Variants in NCOR2 observed in about 807,000 individuals in gnomAD.
NCOR2 encodes nuclear receptor corepressor 2, also known as CTG repeat protein 26.
NCOR2 carries 81 observed loss-of-function variants against 262.9 expected under a neutral mutation model. The ratio of observed to expected loss-of-function variants is 0.31; its 90% CI spans 0.26 to 0.37. The LOEUF is 0.37. NCOR2 is among the 10% of genes least tolerant of loss of function. NCOR2 has a pLI of 1.00. For missense variants in NCOR2, 3,385 were observed against 3,621.4 expected (o/e 0.93, Z 1.68); for synonymous variants, 1,659 against 1,559.3 (o/e 1.06, Z -1.51).
intron 3 of NCOR2, among the ~76,000 whole-genome samples, 161 bp from the exon 6 acceptor site, chr12:124,473,292 G>C (rs1029542240): frequency 1.3e-5 from 2 of 152,210 alleles, no homozygotes; most frequent in Non-Finnish European, 2.9e-5. Flanking sequence ...ATTAACATTT[G>C]AGTCAGTGGG....
chr12:124,354,606 G>C, intron 25 of NCOR2, 24 bp from the exon 28 acceptor site: 1 of 1,504,182 alleles, frequency 6.6e-7, no homozygotes, highest in Non-Finnish European at 8.9e-7. Context: ...AGAGGAGCGA[G>C]TCACGTGCTG....
chr12:124,350,899 C>A (rs1035732539), intron 27 of NCOR2, among the ~76,000 whole-genome samples, 162 bp from the exon 30 acceptor site: 8 of 152,218 alleles, frequency 5.3e-5, no homozygotes, highest in Non-Finnish European at 1.2e-4. Context: ...TGGAACAAAA[C>A]CCTATGAGGA....
At chr12:124,349,016 T>A (rs1388639441) in intron 28 of NCOR2, 1 of 152,496 alleles carries the variant, frequency 6.6e-6, no homozygotes, top group Non-Finnish European at 1.5e-5. Context: ...AGTACACGGC[T>A]TTGTATGTAT....
rs920595728 is a variant in NCOR2, at chr12:124,549,237, C to T, written c.-164-13626G>A. Among the ~76,000 whole-genome samples, 5 of 151,950 alleles carry T rather than the reference C, an allele frequency of 3.3e-5. No homozygotes were observed. The highest frequency in any genetic ancestry group is 1.3e-4 in the Admixed American group (2 of 15,252). ...TCAGATGAATTCACGTGGCATGTGC[C>T]GCACTGAGACAGGCAGGCACGCAGC... On this transcript the variant is annotated intron_variant, in intron 1 of 32. Coordinates refer to the NCOR2 transcript ENST00000458234. The surrounding 1 kb of genome is among the most constrained non-coding windows in gnomAD (Gnocchi z 4.4).
intron 1 of NCOR2, among the ~76,000 whole-genome samples, chr12:124,488,066 T>C (rs1199202581): frequency 1.3e-5 from 2 of 152,232 alleles, no homozygotes; most frequent in Non-Finnish European, 2.9e-5. Flanking sequence ...TCGTCTCTTC[T>C]TGGCACCTTT....
intron 8 of NCOR2, among the ~76,000 whole-genome samples, chr12:124,434,043 G>C (rs1191652781): frequency 6.6e-6 from 1 of 152,140 alleles, no homozygotes; most frequent in East Asian, 1.9e-4. Flanking sequence ...GGCTGAGCCA[G>C]TCTCTCAGCC....
upstream of NCOR2, among the ~76,000 whole-genome samples, chr12:124,500,228 C>T (rs2048624501): frequency 1.3e-5 from 2 of 152,148 alleles, no homozygotes; most frequent in Non-Finnish European, 1.5e-5. Flanking sequence ...CCAACCACAG[C>T]CCCAGGGCCC....
rs1223762703 is a variant in NCOR2 at position 124,378,480 on chromosome 12, G to A, written c.2020-96C>T. 3 of 1,287,250 alleles carry A rather than the reference G, an allele frequency of 2.3e-6. No individual in the cohort carries two copies. The highest frequency in any genetic ancestry group is 3.2e-6 in the Non-Finnish European group (3 of 951,098). The allele number at this position is 1,287,250 out of a possible 1,614,324, so 79.7% of individuals were successfully genotyped here. A position where few individuals can be genotyped will look rare whatever the true frequency, so the allele number is the denominator to read the frequency against. ...GGCCTCGCCGCAGGTGCAAAGGGCA[G>A]TGATCCCGGCCATGTAGCAATGAGG... On this transcript the variant is annotated intron_variant, in intron 17 of 46. Coordinates refer to ENST00000405201, the Ensembl canonical transcript of NCOR2. The surrounding 1 kb of genome is among the most constrained non-coding windows in gnomAD (Gnocchi z 4.2).
At chr12:124,491,264 G>A (rs867468194) in intron 1 of NCOR2, among the ~76,000 whole-genome samples, 2 of 152,354 alleles carry the variant, frequency 1.3e-5, no homozygotes, top group East Asian at 1.9e-4. Context: ...TAATAGCATC[G>A]TCATCATTAC....
intron 15 of NCOR2, 107 bp downstream of exon 17, chr12:124,400,394 C>T: frequency 6.9e-7 from 1 of 1,450,204 alleles, no homozygotes; most frequent in Non-Finnish European, 9.4e-7. Context: ...CTTACACCAA[C>T]CCCTTGGCTG....
Position 124,422,489 on chromosome 12 carries a change from G to T in NCOR2, c.1383+12C>A. 1 of 1,613,940 alleles carries T rather than the reference G, an allele frequency of 6.2e-7. No homozygotes were observed. On this transcript the variant is annotated intron_variant, in intron 12 of 46. Coordinates refer to ENST00000405201, the Ensembl canonical transcript of NCOR2. ...TGGAGACCGAAGGGGTATGGGGCGG[G>T]CAGCGACTCACCTTCCTCTCCAGGA...
chr12:124,422,773 C>G (rs974736872), intron 11 of NCOR2, among the ~76,000 whole-genome samples: 2 of 152,238 alleles, frequency 1.3e-5, no homozygotes, highest in Non-Finnish European at 2.9e-5. Context: ...TGGAGTGAGT[C>G]ACTGGCTTTA....
rs766331842 is a variant in NCOR2 at position 124,333,287 on chromosome 12, G to C, written c.6606-8C>G. 3.1e-6 allele frequency: 5 copies of C among 1,595,396 alleles called. No homozygotes were observed. The African/African-American group carries it at 6.7e-5, about 21-fold the overall frequency. ...TTGTTTGGCTCTGGAGACCTGGATGGAGAAAGGGCCCCAGATGTGGTCAGA... is the reference window on the plus strand; with the variant it reads ...TTGTTTGGCTCTGGAGACCTGGATGCAGAAAGGGCCCCAGATGTGGTCAGA... On this transcript the variant is annotated splice_polypyrimidine_tract_variant and splice_region_variant and intron_variant, in intron 41 of 46. Coordinates refer to ENST00000405201, the Ensembl canonical transcript of NCOR2.
chr12:124,326,306 CG>C lies in NCOR2; in HGVS notation c.7247del (p.Pro2416ArgfsTer49). 1.3e-6 allele frequency: 2 copies of C among 1,555,360 alleles called. No individual in the cohort carries two copies. The highest frequency in any genetic ancestry group is 1.7e-6 in the Non-Finnish European group (2 of 1,154,368). ...GTGGCCGGTCCCCAGATGCCAGGCC[CG>C]GGGCCGGGGACTTGGCTTTTCGGCT... is the stretch of plus-strand genomic sequence containing the variant. On this transcript the variant is annotated frameshift_variant, in exon 46 of 47. Transcript: ENST00000405201. LOFTEE classifies it high-confidence loss of function.
chr12:124,554,111 C>T (rs1326474205), intron 1 of NCOR2, among the ~76,000 whole-genome samples: 1 of 152,240 alleles, frequency 6.6e-6, no homozygotes, highest in Non-Finnish European at 1.5e-5. Flanking sequence ...CACATAATGG[C>T]GTGAGCAGCG....
chr12:124,336,716 G>C, intron 38 of NCOR2, 37 bp downstream of exon 40: 1 of 1,605,480 alleles, frequency 6.2e-7, no homozygotes, highest in South Asian at 1.1e-5. Flanking sequence ...CATGATAATC[G>C]CGTCTATGAA....
intron 1 of NCOR2, among the ~76,000 whole-genome samples, chr12:124,550,178 G>A (rs1467267947): frequency 9.9e-5 from 15 of 152,030 alleles, no homozygotes; most frequent in Admixed American, 7.9e-4. Context: ...CCCAAAACCC[G>A]AACAGTGCCC....
intron 1 of NCOR2, among the ~76,000 whole-genome samples, chr12:124,535,092 C>T (rs370193913): frequency 2.0e-5 from 3 of 152,244 alleles, no homozygotes; most frequent in African/African-American, 7.2e-5. Context: ...AGGACCCAGG[C>T]CACCTCTTTG....
At chr12:124,422,870 C>CG (rs1041487792) in intron 11 of NCOR2, among the ~76,000 whole-genome samples, 56 of 144,004 alleles carry the variant, frequency 3.9e-4, no homozygotes, top group African/African-American at 1.4e-3. Context: ...TGGTGGGGTT[C>CG]CCCCCCCTTT....
Sources: gnomAD v4.1 joint callset for allele counts (sites outside exome capture counted in the v4.1 genomes callset) on GRCh38, gnomAD v4.1.1 for gene constraint, Gnocchi (gnomAD v3.1) non-coding constraint, MANE v1.5 for transcripts, NCBI Gene and HGNC (gene_info 2026-07-23, HGNC 2026-07-21) for gene names.